The following RSF1 variants were observed in gnomAD, a reference collection of about 807,000 sequenced individuals.
RSF1 encodes remodeling and spacing factor 1.
Under a neutral mutation model 145.2 loss-of-function variants are expected in RSF1, and 13 were observed. That is an observed-to-expected ratio of 0.09 (90% CI 0.06 to 0.14). The LOEUF (loss-of-function observed/expected upper bound fraction) is 0.14, where lower values mean the gene tolerates loss of function less well. Among genes scored for constraint, RSF1 ranks in the 10% least tolerant of loss-of-function variants. The pLI is 1.00. For missense variants in RSF1, 1,517 were observed against 1,718.2 expected, an observed-to-expected ratio of 0.88 and a Z score of 2.07; for synonymous variants, 577 against 592.6, an observed-to-expected ratio of 0.97 and a Z score of 0.38.
At chr11:77,849,610 T>G in the RSF1 span, among the ~76,000 whole-genome samples, 3 of 152,066 alleles carry the variant, frequency 2.0e-5, no homozygotes, top group Non-Finnish European at 2.9e-5. Context: ...CCTTTTGCCT[T>G]GGCCTCCCAA....
chr11:77,730,673 A>C lies in RSF1; in HGVS notation c.579-4974T>G, dbSNP rs186798851. Among the ~76,000 whole-genome samples, 8 of 152,316 alleles carry C rather than the reference A, an allele frequency of 5.3e-5. No homozygotes were observed. The East Asian group carries it at 1.5e-3, about 29-fold the overall frequency. The stretch of plus-strand genomic sequence containing the variant: ...TTCCCACGTGTTGTGGGAGGAACCC[A>C]GTGGGAGGTGATTGAATTATGGGAT... On this transcript the variant is annotated intron_variant, in intron 4 of 15. Coordinates refer to ENST00000308488, the MANE Select transcript of RSF1 (RefSeq NM_016578.4).
intron 1 of RSF1, among the ~76,000 whole-genome samples, chr11:77,808,012 A>G (rs1948694094): frequency 6.6e-6 from 1 of 152,208 alleles, no homozygotes; most frequent in South Asian, 2.1e-4. Flanking sequence ...TATTTCGTCG[A>G]GCCAATCCCA....
At chr11:77,708,273 G>A (rs1046950263) in intron 5 of RSF1, among the ~76,000 whole-genome samples, 3 of 152,056 alleles carry the variant, frequency 2.0e-5, no homozygotes, top group Non-Finnish European at 4.4e-5. Flanking sequence ...AGAAAAATTC[G>A]TCAGGCATGG....
chr11:77,864,951 T>C, the RSF1 span, among the ~76,000 whole-genome samples: 1 of 152,120 alleles, frequency 6.6e-6, no homozygotes, highest in Non-Finnish European at 1.5e-5. Context: ...CCCTCCAGCC[T>C]CAGTGACAGA....
At chr11:77,681,366 A>T (rs1959856104) in intron 11 of RSF1, among the ~76,000 whole-genome samples, 1 of 152,212 alleles carries the variant, frequency 6.6e-6, no homozygotes, top group Non-Finnish European at 1.5e-5. Flanking sequence ...CAACTCAAAC[A>T]TGATATGTAT....
In RSF1 at chr11:77,725,572, T is replaced by C. The variant is rs1245103096; in HGVS notation, c.706A>G (p.Lys236Glu). 2.5e-6 allele frequency: 4 copies of C among 1,586,482 alleles called. No individual in the cohort carries two copies. The highest frequency in any genetic ancestry group is 2.3e-5 in the East Asian group (1 of 44,206). ...ESPSLEDEET[K>E]KEEETPKQEE... ...TGTTTAGGTGTTTCTTCCTCTTTTT[T>C]AGTCTCCTCATCCTCTAAGCTGGGA... The change falls in exon 5 of 16, where the codon AAA becomes GAA. Residue 236 changes from lysine (K) to glutamate (E), a missense_variant. Around this residue, in one of 12 missense-constraint regions of RSF1, gnomAD observed 207 missense variants for 191.4 expected, o/e 1.08. Coordinates refer to ENST00000308488, the MANE Select transcript of RSF1 (RefSeq NM_016578.4).
intron 5 of RSF1, among the ~76,000 whole-genome samples, chr11:77,712,142 T>C (rs562815558): frequency 2.0e-5 from 3 of 152,336 alleles, no homozygotes; most frequent in South Asian, 2.1e-4. Context: ...TCACCTTGAA[T>C]TGTAATAATC....
rs530247889 is a variant in RSF1, at chr11:77,770,354, C to T, written c.188-5665G>A. Among the ~76,000 whole-genome samples, 3 of 152,130 alleles carry T rather than the reference C, an allele frequency of 2.0e-5. No homozygotes were observed. In the South Asian group the frequency reaches 6.2e-4, roughly 32 times the overall value. The stretch of plus-strand genomic sequence containing the variant: ...GCGTGCACCTGTAGTCCCAGCTACT[C>T]GGGAGGCTGAGAATTGCTTGAACCT... On this transcript the variant is annotated intron_variant, in intron 1 of 15. Coordinates refer to ENST00000308488, the MANE Select transcript of RSF1 (RefSeq NM_016578.4).
intron 1 of RSF1, among the ~76,000 whole-genome samples, chr11:77,783,165 A>T (rs1948421003): frequency 6.6e-6 from 1 of 152,208 alleles, no homozygotes; most frequent in Non-Finnish European, 1.5e-5. Flanking sequence ...TACAACATGA[A>T]CACTTTTTAC....
chr11:77,698,097 C>T (rs1215025855), intron 7 of RSF1, among the ~76,000 whole-genome samples: 1 of 152,238 alleles, frequency 6.6e-6, no homozygotes, highest in Non-Finnish European at 1.5e-5. Context: ...CCTCCTACCT[C>T]AGCCACCTGA....
At chr11:77,760,980 C>T (rs1176901992) in intron 2 of RSF1, among the ~76,000 whole-genome samples, 8 of 151,850 alleles carry the variant, frequency 5.3e-5, no homozygotes, top group East Asian at 1.9e-4. Context: ...GGTGCAATCT[C>T]GGCTCACCGC....
chr11:77,731,618 C>T (rs1179285532), intron 4 of RSF1, among the ~76,000 whole-genome samples: 1 of 152,216 alleles, frequency 6.6e-6, no homozygotes, highest in Non-Finnish European at 1.5e-5. Flanking sequence ...ATGGATCAGG[C>T]CCAGGGTCCA....
At chr11:77,818,569 A>G (rs1185596460) in intron 1 of RSF1, among the ~76,000 whole-genome samples, 1 of 151,288 alleles carries the variant, frequency 6.6e-6, no homozygotes, top group Non-Finnish European at 1.5e-5. Flanking sequence ...TCACGAGGTC[A>G]GGAGTTCGAG....
intron 1 of RSF1, among the ~76,000 whole-genome samples, chr11:77,786,341 T>C (rs1303715666): frequency 6.6e-6 from 1 of 152,166 alleles, no homozygotes; most frequent in African/African-American, 2.4e-5. Context: ...GAATATCTGA[T>C]CAGCACGCGA....
rs142347545 is a variant in RSF1, at chr11:77,796,495, T to G, written c.187+24033A>C. Among the ~76,000 whole-genome samples, 987 of 152,240 alleles carry G rather than the reference T, an allele frequency of 6.5e-3. 2 individuals are homozygous for G. Among genetic ancestry groups the G allele is most frequent in the Non-Finnish European group, 0.01 (697 of 68,012 alleles). Reference sequence around the variant, plus strand: ...CTAAAAAATCTCAATAAACTAGATATCGATGGAAACATATCTCAAAATAAT... The same window carrying G: ...CTAAAAAATCTCAATAAACTAGATAGCGATGGAAACATATCTCAAAATAAT... On this transcript the variant is annotated intron_variant, in intron 1 of 15. Coordinates refer to ENST00000308488, the MANE Select transcript of RSF1 (RefSeq NM_016578.4).
chr11:77,680,321 T>C (rs1167155777), intron 11 of RSF1, among the ~76,000 whole-genome samples: 1 of 151,976 alleles, frequency 6.6e-6, no homozygotes, highest in South Asian at 2.1e-4. Flanking sequence ...GTGCCTGTAG[T>C]CCTAGCACTC....
chr11:77,788,533 T>G (rs1014882185), intron 1 of RSF1, among the ~76,000 whole-genome samples: 5 of 139,380 alleles, frequency 3.6e-5, no homozygotes, highest in African/African-American at 1.3e-4. Flanking sequence ...AACTTAAAAA[T>G]GTAACAATGA....
the RSF1 span, among the ~76,000 whole-genome samples, chr11:77,861,460 C>T: frequency 5.3e-5 from 8 of 151,852 alleles, 1 homozygote; most frequent in Admixed American, 4.6e-4. Flanking sequence ...TCCTGGCCCT[C>T]AATGGTCAAG....
the RSF1 span, among the ~76,000 whole-genome samples, chr11:77,826,058 G>A: frequency 1.3e-5 from 2 of 152,062 alleles, no homozygotes; most frequent in East Asian, 1.9e-4. Flanking sequence ...TGGTTTCTCC[G>A]ATGGAGTAAA....
Sources: gnomAD v4.1 joint callset for allele counts (sites outside exome capture counted in the v4.1 genomes callset) on GRCh38, gnomAD v4.1.1 for gene constraint, gnomAD v4.1.1 regional missense constraint, MANE v1.5 for transcripts, NCBI Gene and HGNC (gene_info 2026-07-23, HGNC 2026-07-21) for gene names.